Variants in PSMD14 observed in about 807,000 individuals in gnomAD.
PSMD14 encodes the protein proteasome 26S subunit, non-ATPase 14.
PSMD14 carries 7 observed loss-of-function variants against 41.2 expected under a neutral mutation model. The ratio of observed to expected loss-of-function variants is 0.17; its 90% confidence interval spans 0.10 to 0.32. The LOEUF (loss-of-function observed/expected upper bound fraction) is 0.32, where lower values mean the gene tolerates loss of function less well. Among genes scored for constraint, PSMD14 ranks in the 10% least tolerant of loss-of-function variants. The probability of loss-of-function intolerance (pLI) is 1.00; values close to 1 mark genes in which losing one functional copy is unlikely to be tolerated. For synonymous variants in PSMD14, 114 were observed against 122.3 expected, an observed-to-expected ratio of 0.93 and a Z score of 0.45; for missense variants, 139 against 375.6, an observed-to-expected ratio of 0.37 and a Z score of 5.21.
intron 7 of PSMD14, chr2:161,382,671 T>C (rs1328964563): frequency 1.3e-5 from 2 of 151,854 alleles, no homozygotes; most frequent in Admixed American, 6.6e-5. Flanking sequence ...TAGCATCATA[T>C]TCCTGAAAAT....
At chr2:161,372,608 T>C (rs2105258564) in intron 7 of PSMD14, among the ~76,000 whole-genome samples, 1 of 152,094 alleles carries the variant, frequency 6.6e-6, no homozygotes, top group African/African-American at 2.4e-5. Flanking sequence ...TCTTGCTATA[T>C]GCCTATATTT....
intron 10 of PSMD14, among the ~76,000 whole-genome samples, chr2:161,395,672 T>G (rs1315687612): frequency 6.6e-6 from 1 of 152,242 alleles, no homozygotes; most frequent in Admixed American, 6.5e-5. Flanking sequence ...AGGCATATCA[T>G]ACATGTATAC....
chr2:161,371,457 A>G lies in PSMD14; in HGVS notation c.462+135A>G. 2.5e-6 allele frequency: 2 copies of G among 805,276 alleles called. 1 individual carries two copies. Among genetic ancestry groups the G allele is most frequent in the South Asian group, 5.7e-5 (2 of 35,024 alleles). The allele number at this position is 805,276 out of a possible 1,614,324, so 49.9% of individuals were successfully genotyped here. A position where few individuals can be genotyped will look rare whatever the true frequency, so the allele number is the denominator to read the frequency against. On this transcript the variant is annotated intron_variant, in intron 7 of 11. Transcript: ENST00000409682. ...GCTGTCTGTTTACTTAAAAAACAAA[A>G]AAACTGTACAAGTTGATAACTGTGT...
At chr2:161,335,243 C>G (rs1157079181) in intron 3 of PSMD14, among the ~76,000 whole-genome samples, 1 of 152,152 alleles carries the variant, frequency 6.6e-6, no homozygotes, top group Non-Finnish European at 1.5e-5. Flanking sequence ...GAGACAACCT[C>G]TGTTACCAGT....
intron 3 of PSMD14, among the ~76,000 whole-genome samples, chr2:161,343,204 A>G (rs1403341939): frequency 6.6e-6 from 1 of 152,168 alleles, no homozygotes; most frequent in East Asian, 1.9e-4. Context: ...CTCTGTACCC[A>G]TTAGACCATA....
chr2:161,340,554 C>T (rs190637750), intron 3 of PSMD14, among the ~76,000 whole-genome samples: 19 of 152,226 alleles, frequency 1.2e-4, no homozygotes, highest in African/African-American at 4.3e-4. Flanking sequence ...AGCTCTAACT[C>T]TTAAAACTCT....
chr2:161,334,933 G>T (rs1682846540), intron 3 of PSMD14, among the ~76,000 whole-genome samples: 1 of 152,162 alleles, frequency 6.6e-6, no homozygotes, highest in Admixed American at 6.5e-5. Flanking sequence ...CTTTTGTGTG[G>T]TATCTCAAAT....
At chr2:161,321,512 C>T (rs967050292) in intron 3 of PSMD14, among the ~76,000 whole-genome samples, 3 of 152,114 alleles carry the variant, frequency 2.0e-5, no homozygotes, top group Non-Finnish European at 4.4e-5. Flanking sequence ...TGACACAAAC[C>T]TGGCGGTTAC....
chr2:161,325,353 T>C (rs1415310783), intron 3 of PSMD14, among the ~76,000 whole-genome samples: 1 of 152,196 alleles, frequency 6.6e-6, no homozygotes, highest in African/African-American at 2.4e-5. Context: ...TATTTTGTTA[T>C]AACTCCCAAA....
At chr2:161,335,666 AC>A (rs1236727879) in intron 3 of PSMD14, among the ~76,000 whole-genome samples, 2 of 152,202 alleles carry the variant, frequency 1.3e-5, no homozygotes, top group African/African-American at 4.8e-5. Flanking sequence ...TGATTTACAA[AC>A]CGTGTTGTAG....
rs181534894 is a variant in PSMD14 at position 161,354,959 on chromosome 2, G to A, written c.49-12519G>A. 5.9e-4 allele frequency among the ~76,000 whole-genome samples: 90 copies of A among 152,214 alleles called. No individual in the cohort carries two copies. In the Middle Eastern group the frequency reaches 0.01, roughly 17 times the overall value. On this transcript the variant is annotated intron_variant, in intron 3 of 11. Coordinates refer to ENST00000409682, the MANE Select transcript of PSMD14 (RefSeq NM_005805.6). ...CCACCAAACTTAGGTGTGCTATATTGGAGGAACTCAGTAGGCCTAGGAAAA... is the reference window on the plus strand; with the variant it reads ...CCACCAAACTTAGGTGTGCTATATTAGAGGAACTCAGTAGGCCTAGGAAAA...
At chr2:161,374,156 T>G (rs1456761841) in intron 7 of PSMD14, among the ~76,000 whole-genome samples, 2 of 151,920 alleles carry the variant, frequency 1.3e-5, no homozygotes, top group African/African-American at 4.8e-5. Flanking sequence ...TCAGAGTAAC[T>G]GCAGAATGCA....
intron 2 of PSMD14, among the ~76,000 whole-genome samples, chr2:161,317,467 A>G (rs1326971353): frequency 6.6e-6 from 1 of 152,180 alleles, no homozygotes; most frequent in African/African-American, 2.4e-5. Context: ...GCAGGGTGGA[A>G]TAGACTGGAA....
At chr2:161,397,085 C>T (rs1222831439) in intron 10 of PSMD14, among the ~76,000 whole-genome samples, 2 of 152,154 alleles carry the variant, frequency 1.3e-5, no homozygotes, top group South Asian at 4.1e-4. Flanking sequence ...CTGCCTTGGC[C>T]TCCCAAAGTG....
chr2:161,353,693 A>G (rs574356633), intron 3 of PSMD14, among the ~76,000 whole-genome samples: 207 of 152,212 alleles, frequency 1.4e-3, no homozygotes, highest in African/African-American at 4.6e-3. Context: ...TACTTATTCT[A>G]TATTGCAGTT....
chr2:161,404,331 T>C (rs1422203771), intron 10 of PSMD14, among the ~76,000 whole-genome samples: 1 of 152,206 alleles, frequency 6.6e-6, no homozygotes, highest in Non-Finnish European at 1.5e-5. Flanking sequence ...TAAGTATTTA[T>C]TAAATGAATG....
chr2:161,374,462 T>C (rs1468071445), intron 7 of PSMD14, among the ~76,000 whole-genome samples: 2 of 151,946 alleles, frequency 1.3e-5, no homozygotes, highest in Non-Finnish European at 2.9e-5. Flanking sequence ...TGTAACCCTC[T>C]GCATATTGTA....
intron 10 of PSMD14, 131 bp downstream of exon 10, chr2:161,395,334 G>C (rs1009558650): frequency 9.9e-6 from 9 of 909,266 alleles, no homozygotes; most frequent in Non-Finnish European, 1.4e-5. Flanking sequence ...TTGCTTTGCA[G>C]TTCATCTGGT....
intron 7 of PSMD14, among the ~76,000 whole-genome samples, chr2:161,376,533 A>T (rs564910500): frequency 6.6e-6 from 1 of 152,108 alleles, no homozygotes; most frequent in Admixed American, 6.6e-5. Context: ...GGTAATGACT[A>T]CAAAAGAAAT....
Sources: gnomAD v4.1 joint callset for allele counts (sites outside exome capture counted in the v4.1 genomes callset) on GRCh38, gnomAD v4.1.1 for gene constraint, MANE v1.5 for transcripts, NCBI Gene and HGNC (gene_info 2026-07-23, HGNC 2026-07-21) for gene names.